Variants in DNAJC1 observed in about 807,000 individuals in gnomAD.
DNAJC1 encodes dnaJ homolog subfamily C member 1.
A neutral mutation model predicts 76.6 loss-of-function variants in DNAJC1; 58 were observed. The ratio of observed to expected loss-of-function variants is 0.76; its 90% CI spans 0.61 to 0.94. The LOEUF (loss-of-function observed/expected upper bound fraction) is 0.94, where lower values mean the gene tolerates loss of function less well. Ranked by LOEUF, DNAJC1 falls within the 40% of genes least tolerant of loss-of-function variation. The probability of loss-of-function intolerance (pLI) is 0.00; values close to 1 mark genes in which losing one functional copy is unlikely to be tolerated. For synonymous variants in DNAJC1, 258 were observed against 267.9 expected, an observed-to-expected ratio of 0.96 and a Z score of 0.36; for missense variants, 689 against 677.3, an observed-to-expected ratio of 1.02 and a Z score of -0.19.
intron 8 of DNAJC1, among the ~76,000 whole-genome samples, 183 bp from the exon 9 acceptor site, chr10:21,806,282 AAC>A (rs1834881984): frequency 6.6e-6 from 1 of 152,212 alleles, no homozygotes; most frequent in South Asian, 2.1e-4. Flanking sequence ...CTGCATATTT[AAC>A]ACTGGAATGC....
intron 8 of DNAJC1, among the ~76,000 whole-genome samples, chr10:21,836,801 G>A (rs60706879): frequency 0.012 from 1,801 of 152,146 alleles, 37 homozygotes; most frequent in African/African-American, 0.04. Flanking sequence ...ATATGCACCC[G>A]ATACAGGAGC....
intron 4 of DNAJC1, among the ~76,000 whole-genome samples, chr10:21,920,330 G>C (rs1461997361): frequency 6.6e-6 from 1 of 151,950 alleles, no homozygotes; most frequent in Non-Finnish European, 1.5e-5. Context: ...ATAAACTATA[G>C]AGTAGCATAT....
intron 8 of DNAJC1, among the ~76,000 whole-genome samples, chr10:21,856,899 C>T (rs2131694623): frequency 6.6e-6 from 1 of 152,118 alleles, no homozygotes; most frequent in East Asian, 1.9e-4. Context: ...CCACACCTGG[C>T]TAATTTTTGT....
At chr10:21,832,846 T>C (rs1835382867) in intron 8 of DNAJC1, among the ~76,000 whole-genome samples, 1 of 152,208 alleles carries the variant, frequency 6.6e-6, no homozygotes, top group South Asian at 2.1e-4. Context: ...AGATCTATGA[T>C]TTGGCTGCGA....
intron 1 of DNAJC1, among the ~76,000 whole-genome samples, chr10:21,972,587 C>CAA (rs1282889727): frequency 1.3e-5 from 2 of 151,904 alleles, no homozygotes; most frequent in African/African-American, 4.8e-5. Context: ...ATAAACTCTA[C>CAA]AAGTTAAATT....
intron 6 of DNAJC1, among the ~76,000 whole-genome samples, chr10:21,916,113 T>C (rs1195071857): frequency 6.6e-6 from 1 of 152,234 alleles, no homozygotes. Context: ...GACTCTAGTT[T>C]GACTCTTCTT....
intron 11 of DNAJC1, 70 bp downstream of exon 11, chr10:21,759,100 G>T: frequency 6.9e-7 from 1 of 1,457,876 alleles, no homozygotes; most frequent in Non-Finnish European, 9.3e-7. Context: ...AGAAGCTGCA[G>T]GCAGACAAGC....
At chr10:21,977,512 T>C in intron 1 of DNAJC1, among the ~76,000 whole-genome samples, 1 of 152,188 alleles carries the variant, frequency 6.6e-6, no homozygotes. Flanking sequence ...AAGACTTGTG[T>C]GGCTTAAAGA....
At chr10:21,799,979 A>C (rs949131171) in intron 9 of DNAJC1, among the ~76,000 whole-genome samples, 5 of 152,158 alleles carry the variant, frequency 3.3e-5, no homozygotes, top group African/African-American at 1.2e-4. Context: ...TTATCCATAG[A>C]AAGTTTAAAG....
intron 8 of DNAJC1, among the ~76,000 whole-genome samples, chr10:21,824,546 T>C (rs1263330128): frequency 1.3e-5 from 2 of 152,148 alleles, no homozygotes; most frequent in East Asian, 1.9e-4. Context: ...ATTTAACAAA[T>C]GTCAGCCCTG....
chr10:21,868,032 C>T (rs806772), intron 8 of DNAJC1, among the ~76,000 whole-genome samples: 81,565 of 135,762 alleles, frequency 0.6, 26,200 homozygotes, highest in East Asian at 0.95. Context: ...GAGAAGATCG[C>T]GCCACTGCAC....
At chr10:21,921,867 T>C (rs1332337121) in intron 3 of DNAJC1, among the ~76,000 whole-genome samples, 6 of 152,084 alleles carry the variant, frequency 3.9e-5, no homozygotes, top group Admixed American at 3.9e-4. Context: ...CATTTATGAC[T>C]GTAAAACTCA....
intron 1 of DNAJC1, among the ~76,000 whole-genome samples, chr10:21,986,357 T>C (rs1838247893): frequency 6.6e-6 from 1 of 152,240 alleles, no homozygotes; most frequent in South Asian, 2.1e-4. Flanking sequence ...CTAGTGGGCA[T>C]AATATGTTAT....
At chr10:21,775,071 C>A (rs1834435826) in intron 9 of DNAJC1, among the ~76,000 whole-genome samples, 1 of 152,188 alleles carries the variant, frequency 6.6e-6, no homozygotes, top group Admixed American at 6.5e-5. Context: ...GCTTATCCAT[C>A]ACACATAATC....
chr10:21,993,232 C>T (rs1016786446), intron 1 of DNAJC1, among the ~76,000 whole-genome samples: 3 of 152,014 alleles, frequency 2.0e-5, no homozygotes, highest in African/African-American at 7.2e-5. Context: ...TAAATGCATA[C>T]GCACACACAC....
intron 1 of DNAJC1, among the ~76,000 whole-genome samples, chr10:21,946,076 T>C (rs1837500969): frequency 7.5e-6 from 1 of 133,118 alleles, no homozygotes; most frequent in Non-Finnish European, 1.6e-5. Flanking sequence ...TTTTTTGCTC[T>C]GTTGCCCAGG....
At chr10:21,991,604 A>G (rs540945471) in intron 1 of DNAJC1, among the ~76,000 whole-genome samples, 1 of 152,350 alleles carries the variant, frequency 6.6e-6, no homozygotes, top group South Asian at 2.1e-4. Context: ...AACAAAATGG[A>G]AACAATAGTC....
chr10:21,861,397 G>A (rs553050556), intron 8 of DNAJC1, among the ~76,000 whole-genome samples: 1 of 152,170 alleles, frequency 6.6e-6, no homozygotes, highest in African/African-American at 2.4e-5. Context: ...ACCCCCAAAT[G>A]TCAGTATTAA....
At chr10:21,971,429 A>G (rs1015640933) in intron 1 of DNAJC1, among the ~76,000 whole-genome samples, 1 of 151,838 alleles carries the variant, frequency 6.6e-6, no homozygotes, top group Non-Finnish European at 1.5e-5. Context: ...ATGTATTTAT[A>G]ATGACCAACT....
Sources: gnomAD v4.1 joint callset for allele counts (sites outside exome capture counted in the v4.1 genomes callset) on GRCh38, gnomAD v4.1.1 for gene constraint, MANE v1.5 for transcripts, NCBI Gene and HGNC (gene_info 2026-07-23, HGNC 2026-07-21) for gene names.